VPS9D1: variants seen among roughly 807,000 people sequenced by gnomAD.
VPS9D1 encodes VPS9 domain-containing protein 1.
Under a neutral mutation model 75.8 loss-of-function variants are expected in VPS9D1, and 78 were observed. That is an observed-to-expected ratio of 1.03 (90% CI 0.86 to 1.24). VPS9D1 has a LOEUF of 1.24. VPS9D1 is among the 50% of genes most tolerant of loss of function. VPS9D1 has a pLI of 0.00. For missense variants in VPS9D1, 1,057 were observed against 847.7 expected (o/e 1.25, Z -3.07); for synonymous variants, 481 against 385.6 (o/e 1.25, Z -2.90).
chr16:89,710,849 T>A lies in VPS9D1; in HGVS notation c.995A>T (p.His332Leu). Residue 332 changes from histidine to leucine, a missense_variant, in exon 10 of 15, where the codon CAT becomes CTT. Transcript: ENST00000389386. ...GGGCTCGGGCGGGGACAGCATGCAA[T>A]GGAGGCTCTGCGAGGGCCGCAGCCG... ...SRRLRPSQSLHCMLSPPEPSA... is the reference protein window; with the variant it reads ...SRRLRPSQSLLCMLSPPEPSA... 6.6e-7 allele frequency: 1 copy of A among 1,510,028 alleles called. No homozygotes were observed. Among genetic ancestry groups the A allele is most frequent in the Non-Finnish European group, 8.9e-7 (1 of 1,125,758 alleles). The allele number at this position is 1,510,028 out of a possible 1,614,324, so 93.5% of individuals were successfully genotyped here. A position where few individuals can be genotyped will look rare whatever the true frequency, so the allele number is the denominator to read the frequency against.
Position 89,710,842 on chromosome 16 carries a change from C to T in VPS9D1, c.1002G>A (p.Met334Ile), listed in dbSNP as rs1001315633. 1 of 1,523,954 alleles carries T rather than the reference C, an allele frequency of 6.6e-7. No individual in the cohort carries two copies. Among genetic ancestry groups the T allele is most frequent in the Non-Finnish European group, 8.8e-7 (1 of 1,132,368 alleles). 94.4% of individuals were successfully genotyped at this position (1,523,954 alleles called of 1,614,324 possible). ...RLRPSQSLHC[M>I]LSPPEPSAAP... The stretch of plus-strand genomic sequence containing the variant: ...CTGCGCTGGGCTCGGGCGGGGACAG[C>T]ATGCAATGGAGGCTCTGCGAGGGCC... The change falls in exon 10 of 15, where the codon ATG becomes ATA. Residue 334 changes from methionine (M) to isoleucine (I), a missense_variant. By Grantham distance (10) the Met-to-Ile change is conservative (BLOSUM62 1). Transcript: ENST00000389386.
Position 89,710,928 on chromosome 16 carries a change from C to G in VPS9D1, c.916G>C (p.Ala306Pro), listed in dbSNP as rs1193521397. 6.7e-7 allele frequency: 1 copy of G among 1,485,898 alleles called. No homozygotes were observed. The highest frequency in any genetic ancestry group is 1.4e-5 in the African/African-American group (1 of 71,538). The allele number at this position is 1,485,898 out of a possible 1,614,324, so 92.0% of individuals were successfully genotyped here. The part of the protein sequence containing the change: ...YSALYPAVSR[A>P]AAPAPGCCPP... ...CAGCAGCCTGGGGCTGGCGCGGCTG[C>G]TCTGCTCACGGCGGGATACAGGGCG... is the stretch of plus-strand genomic sequence containing the variant. Residue 306 changes from alanine to proline, a missense_variant, in exon 10 of 15, where the codon GCA (alanine) becomes CCA (proline). Ala to Pro is a conservative substitution (Grantham distance 27). Coordinates refer to ENST00000389386, the MANE Select transcript of VPS9D1 (RefSeq NM_004913.3).
chr16:89,711,073 C>G, intron 9 of VPS9D1, 63 bp from the exon 10 acceptor site: 5 of 1,407,964 alleles, frequency 3.6e-6, no homozygotes, highest in Non-Finnish European at 4.6e-6. Context: ...TCCACAGGTG[C>G]CGCGCTATGC....
intron 4 of VPS9D1, among the ~76,000 whole-genome samples, chr16:89,715,120 T>A (rs1172189483): frequency 6.6e-6 from 1 of 152,232 alleles, no homozygotes; most frequent in Non-Finnish European, 1.5e-5. Context: ...ATGAATTTGC[T>A]CTTCAGCTAT....
At chr16:89,717,729 G>A in intron 2 of VPS9D1, 1 of 456,600 alleles carries the variant, frequency 2.2e-6, no homozygotes, top group Non-Finnish European at 4.4e-6. Context: ...CTCCCCAGGG[G>A]ATCCTCTGCC....
chr16:89,720,436 C>G (rs1421636351), intron 1 of VPS9D1: 4 of 1,048,124 alleles, frequency 3.8e-6, no homozygotes, highest in Non-Finnish European at 4.6e-6. Context: ...TGCACGAACG[C>G]ACGGACCTGC....
rs1459582129 is a variant in VPS9D1 at position 89,716,640 on chromosome 16, A to T, written c.269-16T>A. 2 of 1,610,944 alleles carry T rather than the reference A, an allele frequency of 1.2e-6. No homozygotes were observed. Among genetic ancestry groups the T allele is most frequent in the South Asian group, 2.2e-5 (2 of 91,006 alleles). On this transcript the variant is annotated splice_polypyrimidine_tract_variant and intron_variant, in intron 3 of 14. Coordinates refer to ENST00000389386, the MANE Select transcript of VPS9D1 (RefSeq NM_004913.3). ...CGTGTTTTCCCTGCAAGCCATGGGT[A>T]ACCAGGGGTCAAGCGGTGGGCCACA...
In VPS9D1 at chr16:89,712,028, G is replaced by A. The variant is rs1158608010; in HGVS notation, c.659+19C>T. On this transcript the variant is annotated intron_variant, in intron 7 of 14. Transcript: ENST00000389386. ...CAGGCCCTCCCCGCAGCGGCCCCAG[G>A]GGCGGGCAGGAGTCCCACCTGTTGG... The A allele has an allele frequency of 1.9e-6, 3 of 1,549,200 alleles. No individual in the cohort carries two copies. The highest frequency in any genetic ancestry group is 1.2e-5 in the South Asian group (1 of 83,972).
chr16:89,718,174 T>C (rs1252128798), intron 2 of VPS9D1: 2 of 411,530 alleles, frequency 4.9e-6, no homozygotes, highest in Non-Finnish European at 9.9e-6. Flanking sequence ...GCTATTCCTC[T>C]CCTTGCCAGT....
intron 6 of VPS9D1, 134 bp from the exon 7 acceptor site, chr16:89,712,233 T>A: frequency 7.1e-7 from 1 of 1,410,426 alleles, no homozygotes; most frequent in Non-Finnish European, 9.7e-7. Flanking sequence ...GTAAGGCTTC[T>A]GGGGCAGAAG....
chr16:89,708,030 C>G (rs2060830630), intron 14 of VPS9D1, 76 bp from the exon 15 acceptor site: 1 of 1,445,450 alleles, frequency 6.9e-7, no homozygotes, highest in Non-Finnish European at 9.7e-7. Flanking sequence ...AAGGTAGTGT[C>G]TGCCCTCCCA....
intron 4 of VPS9D1, chr16:89,712,947 G>A: frequency 2.5e-6 from 1 of 406,794 alleles, no homozygotes; most frequent in South Asian, 4.0e-5. Flanking sequence ...ACTTTAGGAG[G>A]CTAAGGCCGG....
intron 12 of VPS9D1, 83 bp downstream of exon 12, chr16:89,709,144 A>C (rs542662041): frequency 3.2e-6 from 5 of 1,581,566 alleles, no homozygotes; most frequent in South Asian, 2.2e-5. Context: ...GTGACAAGAG[A>C]AGCTCAGTGG....
Position 89,719,032 on chromosome 16 carries a change from G to A in VPS9D1, c.170C>T (p.Thr57Ile). 1 of 1,613,212 alleles carries A rather than the reference G, an allele frequency of 6.2e-7. No individual in the cohort carries two copies. Among genetic ancestry groups the A allele is most frequent in the African/African-American group, 1.3e-5 (1 of 75,058 alleles). ...CCCGGCTGGCTGAGCCGTACCTTTA[G>A]TGGTTTCCACTTCTTCTAGTAACAC... ...SQVLLEEVET[T>I]KEAGETVPPD... The change falls in exon 2 of 15, where the codon ACT (threonine) becomes ATT (isoleucine). Residue 57 changes from threonine to isoleucine, a missense_variant. Physicochemically the swap from Thr to Ile is moderately conservative, Grantham distance 89. Transcript: ENST00000389386.
chr16:89,709,426 G>T lies in VPS9D1; in HGVS notation c.1398C>A (p.His466Gln), dbSNP rs1255562530. The T allele has an allele frequency of 1.3e-6, 2 of 1,513,792 alleles. No individual in the cohort carries two copies. The highest frequency in any genetic ancestry group is 8.8e-7 in the Non-Finnish European group (1 of 1,139,448). 93.8% of individuals were successfully genotyped at this position (1,513,792 alleles called of 1,614,324 possible). ...PLLLALYRSV[H>Q]RAREAALSRS... ...TGCTCAGGGCAGCCTCCCGGGCTCGGTGCACGCTCCTGGGGCAGAGAGAGG... is the reference window on the plus strand; with the variant it reads ...TGCTCAGGGCAGCCTCCCGGGCTCGTTGCACGCTCCTGGGGCAGAGAGAGG... Residue 466 changes from histidine to glutamine, a missense_variant, in exon 12 of 15, where the codon CAC becomes CAA. Coordinates refer to ENST00000389386, the MANE Select transcript of VPS9D1 (RefSeq NM_004913.3).
chr16:89,717,543 G>A (rs960343815), intron 2 of VPS9D1: 10 of 456,094 alleles, frequency 2.2e-5, no homozygotes, highest in African/African-American at 8.0e-5. Flanking sequence ...TGGACCCACC[G>A]CCCCAGCGCC....
rs1360097131 is a variant in VPS9D1 at position 89,708,451 on chromosome 16, GC to G, written c.1777del (p.Ala593ProfsTer11). The G allele has an allele frequency of 4.3e-6, 7 of 1,612,530 alleles. No homozygotes were observed. The highest frequency in any genetic ancestry group is 5.9e-6 in the Non-Finnish European group (7 of 1,179,798). ...GLPQLVSECAALEEFIHEGYL... is the reference protein window; with the variant it reads ...GLPQLVSECAXLEEFIHEGYL... ...CCCCTCGTGGATGAACTCCTCCAGG[GC>G]CGCGCACTCCGACACCAGCTGAGGG... On this transcript the variant is annotated frameshift_variant, in exon 14 of 15. Transcript: ENST00000389386. LOFTEE classifies it high-confidence loss of function.
In VPS9D1 at chr16:89,710,736, C is replaced by T. The variant is rs2060896452; in HGVS notation, c.1108G>A (p.Ala370Thr). The T allele has an allele frequency of 2.5e-6, 4 of 1,586,988 alleles. No individual in the cohort carries two copies. Among genetic ancestry groups the T allele is most frequent in the African/African-American group, 1.3e-5 (1 of 74,526 alleles). The change falls in exon 10 of 15, where the codon GCA becomes ACA. Residue 370 changes from alanine to threonine, a missense_variant. By Grantham distance (58) the Ala-to-Thr change is moderately conservative. Coordinates refer to ENST00000389386, the MANE Select transcript of VPS9D1 (RefSeq NM_004913.3). ...CTGTCCTTGTCTGGCAATCCAGATGCGGTGTCCCCCAGGGGTGAGGGAGAC... is the reference window on the plus strand; with the variant it reads ...CTGTCCTTGTCTGGCAATCCAGATGTGGTGTCCCCCAGGGGTGAGGGAGAC... ...VGSPSPLGDTASGLPDKDSSF... is the reference protein window; with the variant it reads ...VGSPSPLGDTTSGLPDKDSSF...
In VPS9D1 at chr16:89,710,589, C is replaced by A. The variant is rs769766323; in HGVS notation, c.1255G>T (p.Val419Leu). ...CCCAGGGAGGGCCTGGCCTCACCTA[C>A]GGCATTGTGGATCTCCTCCACCGCG... is the stretch of plus-strand genomic sequence containing the variant. ...KTAVEEIHNA[V>L]DRLLSLTLLA... The change falls in exon 10 of 15, where the codon GTA becomes TTA. Residue 419 changes from valine to leucine, a missense_variant. Val to Leu is a conservative substitution (Grantham distance 32). Transcript: ENST00000389386. The A allele has an allele frequency of 2.5e-6, 4 of 1,594,918 alleles. No homozygotes were observed. Among genetic ancestry groups the A allele is most frequent in the African/African-American group, 1.3e-5 (1 of 74,720 alleles).
Sources: allele counts gnomAD v4.1 joint callset (sites outside exome capture counted in the v4.1 genomes callset), GRCh38; gene constraint gnomAD v4.1.1; transcripts MANE v1.5; gene names NCBI Gene and HGNC (gene_info 2026-07-23, HGNC 2026-07-21).